MAML2: variants seen among roughly 807,000 people sequenced by gnomAD.
MAML2 encodes the protein mastermind-like protein 2.
Under a neutral mutation model 96.1 loss-of-function variants are expected in MAML2, and 22 were observed. That is an observed-to-expected ratio of 0.23 (90% CI 0.16 to 0.33). The LOEUF is 0.33. Ranked by LOEUF, MAML2 falls within the 10% of genes least tolerant of loss-of-function variation. The pLI is 1.00. For missense variants in MAML2, 1,367 were observed against 1,392.4 expected, an observed-to-expected ratio of 0.98 and a Z score of 0.29; for synonymous variants, 561 against 521.3, an observed-to-expected ratio of 1.08 and a Z score of -1.04.
rs556361970 is a variant in MAML2 at position 96,081,386 on chromosome 11, C to T, written c.2139+10506G>A. Among the ~76,000 whole-genome samples the T allele has an allele frequency of 1.5e-3, 235 of 152,086 alleles. 2 individuals carry two copies. Among genetic ancestry groups the T allele is most frequent in the Non-Finnish European group, 2.6e-3 (180 of 68,004 alleles). Reference sequence around the variant, plus strand: ...ATCAAAGTCAACAGTGTCATGGTGTCTTTCCAAAATTCCCAGTGGAAGATG... The same window carrying T: ...ATCAAAGTCAACAGTGTCATGGTGTTTTTCCAAAATTCCCAGTGGAAGATG... On this transcript the variant is annotated intron_variant, in intron 2 of 4. Transcript: ENST00000524717.
intron 2 of MAML2, among the ~76,000 whole-genome samples, chr11:96,004,032 TA>T (rs540794475): frequency 1.5e-3 from 225 of 152,304 alleles, no homozygotes; most frequent in African/African-American, 5.2e-3. Flanking sequence ...GAGTTTATTA[TA>T]TGAGTTGAAT....
intron 1 of MAML2, among the ~76,000 whole-genome samples, chr11:96,109,340 T>C (rs1860080714): frequency 6.6e-6 from 1 of 152,086 alleles, no homozygotes; most frequent in Admixed American, 6.5e-5. Flanking sequence ...TGGGTAGGCA[T>C]TAGTGGACTT....
intron 2 of MAML2, among the ~76,000 whole-genome samples, chr11:95,999,401 A>G (rs1164881916): frequency 6.6e-6 from 1 of 152,130 alleles, no homozygotes; most frequent in Admixed American, 6.6e-5. Flanking sequence ...TGATTTCAGC[A>G]AAAGGTAGAA....
At chr11:96,308,702 T>G (rs1251811943) in intron 1 of MAML2, among the ~76,000 whole-genome samples, 1 of 152,232 alleles carries the variant, frequency 6.6e-6, no homozygotes, top group Non-Finnish European at 1.5e-5. Context: ...CAGCTTAAAT[T>G]TAAAGAAACT....
chr11:96,011,524 A>C (rs1340281745), intron 2 of MAML2, among the ~76,000 whole-genome samples: 1 of 152,166 alleles, frequency 6.6e-6, no homozygotes. Flanking sequence ...CATTGAGTAC[A>C]CATGGACATA....
At chr11:96,233,773 C>T (rs1862329357) in intron 1 of MAML2, among the ~76,000 whole-genome samples, 1 of 152,144 alleles carries the variant, frequency 6.6e-6, no homozygotes, top group South Asian at 2.1e-4. Context: ...TGATTTTCTC[C>T]TAGGCCAGTT....
At chr11:96,101,257 C>T (rs777316598) in intron 1 of MAML2, among the ~76,000 whole-genome samples, 4 of 152,146 alleles carry the variant, frequency 2.6e-5, no homozygotes, top group East Asian at 1.9e-4. Flanking sequence ...AGTAACTCAA[C>T]GACTTGGAAT....
chr11:96,275,934 G>A (rs1337910655), intron 1 of MAML2, among the ~76,000 whole-genome samples: 1 of 152,088 alleles, frequency 6.6e-6, no homozygotes, highest in East Asian at 1.9e-4. Flanking sequence ...CCAAGCTCCA[G>A]GAACTTACAT....
At chr11:96,072,937 T>C (rs1859370417) in intron 2 of MAML2, among the ~76,000 whole-genome samples, 1 of 152,194 alleles carries the variant, frequency 6.6e-6, no homozygotes, top group African/African-American at 2.4e-5. Context: ...TTAAGTACTT[T>C]TAGACCTCAG....
chr11:96,033,874 C>T (rs1436545450), intron 2 of MAML2, among the ~76,000 whole-genome samples: 6 of 152,164 alleles, frequency 3.9e-5, no homozygotes, highest in Non-Finnish European at 8.8e-5. Flanking sequence ...GGCTGCAACA[C>T]GGCAGGTTTC....
At chr11:96,222,328 CA>C (rs920126932) in intron 1 of MAML2, among the ~76,000 whole-genome samples, 28 of 152,208 alleles carry the variant, frequency 1.8e-4, no homozygotes, top group Admixed American at 1.6e-3. Context: ...ACAGCACTAG[CA>C]GTCACCCTGA....
At chr11:96,302,722 G>A (rs1416949351) in intron 1 of MAML2, among the ~76,000 whole-genome samples, 3 of 152,048 alleles carry the variant, frequency 2.0e-5, no homozygotes, top group East Asian at 1.9e-4. Flanking sequence ...TTCTTGTAAC[G>A]AATTACTCTC....
At chr11:95,993,828 C>T (rs557198868) in intron 2 of MAML2, among the ~76,000 whole-genome samples, 5 of 152,282 alleles carry the variant, frequency 3.3e-5, no homozygotes, top group Non-Finnish European at 5.9e-5. Context: ...ATTCTAAGGG[C>T]GACCATCCAC....
rs757749143 is a variant in MAML2 at position 95,979,766 on chromosome 11, A to C, written c.2653T>G (p.Ser885Ala). Residue 885 changes from serine to alanine, a missense_variant, in exon 5 of 5, where the codon TCA (serine) becomes GCA (alanine). Ser to Ala is a moderately conservative substitution (Grantham distance 99, BLOSUM62 1). Transcript: ENST00000524717. ...CNQPNTYSVT[S>A]GMNQLTQQRN... Reference sequence around the variant, plus strand: ...TGTTGGGTCAATTGATTCATTCCTGAAGTGACACTGTATGTGTTAGGTTGA... The same window carrying C: ...TGTTGGGTCAATTGATTCATTCCTGCAGTGACACTGTATGTGTTAGGTTGA... 1 of 1,613,894 alleles carries C rather than the reference A, an allele frequency of 6.2e-7. No homozygotes were observed. Among genetic ancestry groups the C allele is most frequent in the Non-Finnish European group, 8.5e-7 (1 of 1,179,878 alleles).
chr11:96,058,199 C>G (rs1859099074), intron 2 of MAML2, among the ~76,000 whole-genome samples: 1 of 152,248 alleles, frequency 6.6e-6, no homozygotes. Context: ...ACCATGCCTT[C>G]TGGCAAGCTG....
rs547096796 is a variant in MAML2 at position 96,274,255 on chromosome 11, T to C, written c.513+67128A>G. ...CCGCTACCACGCCCTGCTAATTTTT[T>C]TGTATTTTTAGTAGAGACGGGGTTT... On this transcript the variant is annotated intron_variant, in intron 1 of 4. Transcript: ENST00000524717. Among the ~76,000 whole-genome samples the C allele has an allele frequency of 2.6e-5, 4 of 152,192 alleles. No homozygotes were observed. The South Asian group carries it at 8.3e-4, about 32-fold the overall frequency.
At chr11:96,243,789 G>C (rs1862473136) in intron 1 of MAML2, among the ~76,000 whole-genome samples, 1 of 152,034 alleles carries the variant, frequency 6.6e-6, no homozygotes, top group South Asian at 2.1e-4. Context: ...GAGTAGCTGG[G>C]ACTACAGGCG....
intron 1 of MAML2, among the ~76,000 whole-genome samples, chr11:96,120,483 C>T (rs1041570968): frequency 1.3e-5 from 2 of 152,230 alleles, no homozygotes; most frequent in African/African-American, 2.4e-5. Flanking sequence ...AGCCCAGATC[C>T]TGACAGATCG....
At chr11:96,248,732 C>T (rs1331558372) in intron 1 of MAML2, among the ~76,000 whole-genome samples, 4 of 152,134 alleles carry the variant, frequency 2.6e-5, no homozygotes, top group Non-Finnish European at 2.9e-5. Flanking sequence ...TCAGTTCCCA[C>T]CTTATTTCTT....
Sources: allele counts gnomAD v4.1 joint callset (sites outside exome capture counted in the v4.1 genomes callset), GRCh38; gene constraint gnomAD v4.1.1; transcripts MANE v1.5; gene names NCBI Gene and HGNC (gene_info 2026-07-23, HGNC 2026-07-21).